The following ADK variants were observed in gnomAD, a reference collection of about 807,000 sequenced individuals.
ADK encodes N6,N6-dimethyladenosine kinase.
Under a neutral mutation model 44.7 loss-of-function variants are expected in ADK, and 24 were observed. The observed-to-expected ratio is 0.54, with a 90% CI of 0.39 to 0.76. The LOEUF (loss-of-function observed/expected upper bound fraction) is 0.76. Among genes scored for constraint, ADK ranks in the 30% least tolerant of loss-of-function variants. ADK has a pLI of 0.00. For missense variants in ADK, 321 were observed against 425.1 expected (o/e 0.76, Z 2.15); for synonymous variants, 128 against 142.6 (o/e 0.90, Z 0.73).
At chr10:74,511,299 A>G (rs1433029349) in intron 6 of ADK, among the ~76,000 whole-genome samples, 3 of 151,968 alleles carry the variant, frequency 2.0e-5, no homozygotes, top group African/African-American at 7.2e-5. Context: ...ATAGTGTGGT[A>G]CCTCCAGCTT....
chr10:74,207,967 T>C (rs1420838049), intron 2 of ADK, among the ~76,000 whole-genome samples: 1 of 152,188 alleles, frequency 6.6e-6, no homozygotes, highest in Non-Finnish European at 1.5e-5. Context: ...TTGGCCTCCT[T>C]CCCATGCTTC....
At chr10:74,669,666 G>A (rs949826367) in intron 9 of ADK, among the ~76,000 whole-genome samples, 3 of 152,128 alleles carry the variant, frequency 2.0e-5, no homozygotes, top group African/African-American at 7.2e-5. Flanking sequence ...TTGGGAAGAA[G>A]TATTTTAACA....
intron 9 of ADK, among the ~76,000 whole-genome samples, chr10:74,636,824 G>A (rs1014108795): frequency 6.6e-6 from 1 of 152,082 alleles, no homozygotes; most frequent in Non-Finnish European, 1.5e-5. Context: ...AAACAAAGAA[G>A]GCAAAGAACA....
chr10:74,189,951 A>C (rs1034761728), intron 1 of ADK, among the ~76,000 whole-genome samples: 4 of 152,176 alleles, frequency 2.6e-5, no homozygotes, highest in Admixed American at 2.0e-4. Context: ...TGACTGAAAT[A>C]ATATTTCATT....
chr10:74,297,162 GTA>G, intron 3 of ADK, among the ~76,000 whole-genome samples: 1 of 152,176 alleles, frequency 6.6e-6, no homozygotes, highest in Non-Finnish European at 1.5e-5. Context: ...TGAAGTGTTT[GTA>G]TTTTGTGTGT....
At chr10:74,415,442 C>T (rs1844335362) in intron 6 of ADK, among the ~76,000 whole-genome samples, 1 of 152,148 alleles carries the variant, frequency 6.6e-6, no homozygotes. Flanking sequence ...GTAAACTGGA[C>T]ATAAACAATC....
chr10:74,224,360 G>T (rs965687352), intron 2 of ADK, among the ~76,000 whole-genome samples, 178 bp from the exon 3 acceptor site: 3 of 152,108 alleles, frequency 2.0e-5, no homozygotes, highest in Admixed American at 6.6e-5. Context: ...TCCTGGAGTG[G>T]TGTTCCTGGA....
intron 6 of ADK, among the ~76,000 whole-genome samples, chr10:74,398,935 TTAG>T (rs1318719753): frequency 1.3e-5 from 2 of 152,056 alleles, no homozygotes; most frequent in East Asian, 3.9e-4. Context: ...CAGAAAAATA[TTAG>T]TAGTATAAAT....
At chr10:74,628,500 TG>T (rs1040754364) in intron 9 of ADK, among the ~76,000 whole-genome samples, 3 of 151,566 alleles carry the variant, frequency 2.0e-5, no homozygotes, top group Admixed American at 2.0e-4. Flanking sequence ...GTGAGGCAGA[TG>T]TTCTGAAGAA....
At chr10:74,356,004 T>A (rs11001008) in intron 4 of ADK, among the ~76,000 whole-genome samples, 334 of 2,700 alleles carry the variant, frequency 0.12, 9 homozygotes, top group Middle Eastern at 0.25. Flanking sequence ...AATAATTCAT[T>A]TTTTTTTTTT....
intron 6 of ADK, among the ~76,000 whole-genome samples, chr10:74,411,942 T>G (rs1844195964): frequency 6.6e-6 from 1 of 152,198 alleles, no homozygotes; most frequent in African/African-American, 2.4e-5. Context: ...AAGAAACCAC[T>G]CTCTGTGTTC....
chr10:74,300,236 TTC>T lies in ADK; in HGVS notation c.195-14414_195-14413del, dbSNP rs149691370. On this transcript the variant is annotated intron_variant, in intron 3 of 10. Coordinates refer to ENST00000539909, the MANE Select transcript of ADK (RefSeq NM_006721.4). The stretch of plus-strand genomic sequence containing the variant: ...ATATTGTTGTTGTTTGTTTCTTTCT[TTC>T]TCTCTCTCTCTCTCTCCTTGTTTCC... Among the ~76,000 whole-genome samples the T allele has an allele frequency of 2.9e-3, 410 of 139,086 alleles. 8 individuals carry two copies. Among genetic ancestry groups the T allele is most frequent in the South Asian group, 0.017 (74 of 4,340 alleles). The allele number at this position is 139,086 out of a possible 152,430, so 91.2% of individuals were successfully genotyped here.
chr10:74,327,092 G>A (rs1841047642), intron 4 of ADK, among the ~76,000 whole-genome samples: 1 of 151,376 alleles, frequency 6.6e-6, no homozygotes, highest in Admixed American at 6.6e-5. Context: ...GCTTGTTCTT[G>A]TTTTTCTAGT....
chr10:74,176,611 T>A (rs529034849), intron 1 of ADK: 1 of 1,383,538 alleles, frequency 7.2e-7, no homozygotes, highest in East Asian at 2.8e-5. Flanking sequence ...CGCGCGCCAG[T>A]GAGCTGGCAC....
intron 1 of ADK, among the ~76,000 whole-genome samples, chr10:74,172,235 C>G (rs1842183585): frequency 6.7e-6 from 1 of 150,118 alleles, no homozygotes; most frequent in African/African-American, 2.5e-5. Context: ...AACTCTTGGG[C>G]TCAAGCCATC....
chr10:74,668,262 C>A (rs1185732830), intron 9 of ADK, among the ~76,000 whole-genome samples: 1 of 152,140 alleles, frequency 6.6e-6, no homozygotes, highest in Non-Finnish European at 1.5e-5. Context: ...AGACTGCAGA[C>A]CTTTCCTGAG....
At chr10:74,561,376 T>C (rs1484742105) in intron 7 of ADK, among the ~76,000 whole-genome samples, 1 of 152,160 alleles carries the variant, frequency 6.6e-6, no homozygotes, top group African/African-American at 2.4e-5. Flanking sequence ...TCATTTGTTT[T>C]GGATAGGGAA....
intron 7 of ADK, among the ~76,000 whole-genome samples, chr10:74,560,499 A>G (rs1336111290): frequency 1.3e-5 from 2 of 152,250 alleles, no homozygotes; most frequent in African/African-American, 2.4e-5. Flanking sequence ...GCGTAGCAGC[A>G]GACCAAATTC....
At chr10:74,566,930 G>A (rs976475403) in intron 7 of ADK, among the ~76,000 whole-genome samples, 44 of 152,196 alleles carry the variant, frequency 2.9e-4, no homozygotes, top group Non-Finnish European at 6.3e-4. Flanking sequence ...CTCTACTTCT[G>A]TGAATATGTG....
Sources: allele counts gnomAD v4.1 joint callset (sites outside exome capture counted in the v4.1 genomes callset), GRCh38; gene constraint gnomAD v4.1.1; transcripts MANE v1.5; gene names NCBI Gene and HGNC (gene_info 2026-07-23, HGNC 2026-07-21).